Variants in GRIK2 observed in about 807,000 individuals in gnomAD.
The protein encoded by GRIK2 is glutamate ionotropic receptor kainate type subunit 2.
Under a neutral mutation model 100.3 loss-of-function variants are expected in GRIK2, and 32 were observed. That is an observed-to-expected ratio of 0.32 (90% CI 0.24 to 0.43). The LOEUF is 0.43. Among genes scored for constraint, GRIK2 ranks in the 20% least tolerant of loss-of-function variants. GRIK2 has a pLI of 1.00. For synonymous variants in GRIK2, 417 were observed against 389.4 expected, an observed-to-expected ratio of 1.07 and a Z score of -0.83; for missense variants, 843 against 1,114.9, an observed-to-expected ratio of 0.76 and a Z score of 3.47.
At chr6:101,478,407 A>G (rs1386934234) in intron 2 of GRIK2, among the ~76,000 whole-genome samples, 1 of 152,014 alleles carries the variant, frequency 6.6e-6, no homozygotes, top group Non-Finnish European at 1.5e-5. Context: ...TAAGAAATTA[A>G]AAGAATTTAA....
intron 12 of GRIK2, among the ~76,000 whole-genome samples, chr6:101,891,367 A>T (rs977357120): frequency 1.3e-5 from 2 of 151,876 alleles, no homozygotes; most frequent in African/African-American, 4.8e-5. Flanking sequence ...AAATACAAAA[A>T]TTAACTGGGC....
intron 14 of GRIK2, among the ~76,000 whole-genome samples, chr6:102,017,771 A>C (rs62423082): frequency 3.4e-4 from 52 of 151,860 alleles, no homozygotes; most frequent in African/African-American, 1.2e-3. Flanking sequence ...CCATTGTTGT[A>C]TTCTCAAGTT....
intron 7 of GRIK2, among the ~76,000 whole-genome samples, chr6:101,757,616 G>A (rs1283349084): frequency 1.3e-5 from 2 of 152,118 alleles, no homozygotes; most frequent in South Asian, 4.1e-4. Context: ...ATTCGCCTAA[G>A]GACATAGAGT....
At chr6:101,607,954 T>C (rs1779507241) in intron 2 of GRIK2, among the ~76,000 whole-genome samples, 1 of 151,756 alleles carries the variant, frequency 6.6e-6, no homozygotes. Flanking sequence ...CAAGATTACC[T>C]TTCTCACGAG....
rs1169622526 is a variant in GRIK2, at chr6:101,546,819, C to CTTTTTTT, written c.116-75108_116-75102dup. 4.0e-4 allele frequency among the ~76,000 whole-genome samples: 31 copies of CTTTTTTT among 76,922 alleles called. 3 individuals are homozygous for CTTTTTTT. The highest frequency in any genetic ancestry group is 7.1e-4 in the African/African-American group (15 of 21,080). 50.5% of individuals were successfully genotyped at this position (76,922 alleles called of 152,430 possible). On this transcript the variant is annotated intron_variant, in intron 2 of 16. Coordinates refer to ENST00000369134, the MANE Select transcript of GRIK2 (RefSeq NM_021956.5). ...TCCTCCAACTCTCATGTTTTTGTTT[C>CTTTTTTT]TTTTTTTTTTTTTTTTTTTTTTTTT...
At chr6:101,992,371 A>C (rs572711864) in intron 14 of GRIK2, among the ~76,000 whole-genome samples, 40 of 151,602 alleles carry the variant, frequency 2.6e-4, no homozygotes, top group Non-Finnish European at 4.6e-4. Context: ...GCATAGATAA[A>C]AGCCTATTTA....
chr6:101,600,093 G>C (rs1300265155), intron 2 of GRIK2, among the ~76,000 whole-genome samples: 1 of 151,742 alleles, frequency 6.6e-6, no homozygotes, highest in African/African-American at 2.4e-5. Context: ...GTTAAAAGTA[G>C]GAATCTAGTT....
At chr6:101,652,509 C>T (rs921759228) in intron 4 of GRIK2, among the ~76,000 whole-genome samples, 10 of 152,006 alleles carry the variant, frequency 6.6e-5, no homozygotes, top group South Asian at 6.2e-4. Flanking sequence ...CTAATTAAGG[C>T]GGGGGCAAGG....
chr6:101,966,922 T>C (rs563869179), intron 14 of GRIK2, among the ~76,000 whole-genome samples: 2 of 152,222 alleles, frequency 1.3e-5, no homozygotes, highest in East Asian at 3.9e-4. Context: ...TGGTAATCAA[T>C]AATTTATAGT....
Position 101,974,134 on chromosome 6 carries a change from C to T in GRIK2, c.2085+45502C>T, listed in dbSNP as rs185240702. 3.4e-4 allele frequency among the ~76,000 whole-genome samples: 51 copies of T among 151,694 alleles called. 2 individuals are homozygous for T. In the Middle Eastern group the frequency reaches 0.031, roughly 91 times the overall value. On this transcript the variant is annotated intron_variant, in intron 14 of 16. Coordinates refer to ENST00000369134, the MANE Select transcript of GRIK2 (RefSeq NM_021956.5). ...ACTGGTTATGTCTAGGAAAATTTAG[C>T]CATCTTGTCTTTTTGTAAATAATTG...
At chr6:101,578,450 G>A (rs573340305) in intron 2 of GRIK2, among the ~76,000 whole-genome samples, 9 of 152,216 alleles carry the variant, frequency 5.9e-5, no homozygotes, top group Non-Finnish European at 8.8e-5. Flanking sequence ...ACCACAAGCC[G>A]GAAAGCAACC....
At chr6:101,699,925 C>T (rs552485928) in intron 7 of GRIK2, among the ~76,000 whole-genome samples, 225 of 152,110 alleles carry the variant, frequency 1.5e-3, no homozygotes, top group Non-Finnish European at 2.6e-3. Flanking sequence ...GGTGAGAGGA[C>T]TGCTTGATCT....
Position 101,533,104 on chromosome 6 carries a change from T to C in GRIK2, c.116-88845T>C, listed in dbSNP as rs551142040. Among the ~76,000 whole-genome samples, 3 of 152,084 alleles carry C rather than the reference T, an allele frequency of 2.0e-5. No individual in the cohort carries two copies. The South Asian group carries it at 6.2e-4, about 32-fold the overall frequency. ...CATAGGTTCTATTCATCCTTAGCTTTTAGCATGCTTATCATCTATAATCAG... is the reference window on the plus strand; with the variant it reads ...CATAGGTTCTATTCATCCTTAGCTTCTAGCATGCTTATCATCTATAATCAG... On this transcript the variant is annotated intron_variant, in intron 2 of 16. Coordinates refer to ENST00000369134, the MANE Select transcript of GRIK2 (RefSeq NM_021956.5).
chr6:101,466,727 C>A (rs1312450995), intron 2 of GRIK2, among the ~76,000 whole-genome samples: 2 of 152,108 alleles, frequency 1.3e-5, no homozygotes, highest in African/African-American at 2.4e-5. Context: ...GAGGCATCAG[C>A]AATTTCAGGC....
chr6:101,962,979 ATTT>A (rs144734031), intron 14 of GRIK2, among the ~76,000 whole-genome samples: 1 of 149,494 alleles, frequency 6.7e-6, no homozygotes, highest in East Asian at 1.9e-4. Flanking sequence ...AGGCAGTTGA[ATTT>A]TTTTTTTATT....
In GRIK2 at chr6:101,516,270, G is replaced by A. The variant is rs534280758; in HGVS notation, c.116-105679G>A. 1.3e-4 allele frequency among the ~76,000 whole-genome samples: 20 copies of A among 152,030 alleles called. No individual in the cohort carries two copies. The East Asian group carries it at 2.3e-3, about 18-fold the overall frequency. On this transcript the variant is annotated intron_variant, in intron 2 of 16. Coordinates refer to ENST00000369134, the MANE Select transcript of GRIK2 (RefSeq NM_021956.5). ...TTTATATGGGACCTAAAAAGAAGCC[G>A]CATAGCCAAAGCAAGACTAAGCAAA...
chr6:102,014,104 T>C (rs1795700024), intron 14 of GRIK2, among the ~76,000 whole-genome samples: 1 of 152,212 alleles, frequency 6.6e-6, no homozygotes, highest in Non-Finnish European at 1.5e-5. Context: ...TGATTAAATT[T>C]TGGAGTTCAT....
rs190108495 is a variant in GRIK2, at chr6:101,840,352, G to A, written c.1318-18935G>A. ...CTAACTTCATTTCCTGATACTTATC[G>A]GATTCCCAGGTCCTGATCTCTGTGT... is the stretch of plus-strand genomic sequence containing the variant. On this transcript the variant is annotated intron_variant, in intron 10 of 16. Coordinates refer to ENST00000369134, the MANE Select transcript of GRIK2 (RefSeq NM_021956.5). 4.9e-4 allele frequency among the ~76,000 whole-genome samples: 74 copies of A among 152,158 alleles called. 1 individual carries two copies. The highest frequency in any genetic ancestry group is 8.8e-4 in the Non-Finnish European group (60 of 67,988).
intron 9 of GRIK2, among the ~76,000 whole-genome samples, chr6:101,809,704 G>C (rs1022597674): frequency 6.6e-6 from 1 of 151,954 alleles, no homozygotes; most frequent in Admixed American, 6.6e-5. Flanking sequence ...GTCAAAAAGT[G>C]ATGTTTGCTT....
Sources: gnomAD v4.1 joint callset for allele counts (sites outside exome capture counted in the v4.1 genomes callset) on GRCh38, gnomAD v4.1.1 for gene constraint, MANE v1.5 for transcripts, NCBI Gene and HGNC (gene_info 2026-07-23, HGNC 2026-07-21) for gene names.